Variants in IMMP2L observed in about 807,000 individuals in gnomAD.
IMMP2L encodes mitochondrial inner membrane protease subunit 2.
In IMMP2L, 18 loss-of-function variants were observed where a neutral mutation model predicts 19.3. That is an observed-to-expected ratio of 0.93 (90% confidence interval 0.64 to 1.38). The LOEUF (loss-of-function observed/expected upper bound fraction) is 1.38, where lower values mean the gene tolerates loss of function less well. Ranked by LOEUF, IMMP2L falls within the 40% of genes most tolerant of loss-of-function variation. The pLI is 0.00. For missense variants in IMMP2L, 233 were observed against 218.2 expected, an observed-to-expected ratio of 1.07 and a Z score of -0.43; for synonymous variants, 76 against 73.0, an observed-to-expected ratio of 1.04 and a Z score of -0.21.
intron 5 of IMMP2L, among the ~76,000 whole-genome samples, chr7:110,722,609 T>C (rs143344673): frequency 1.3e-5 from 2 of 152,320 alleles, no homozygotes; most frequent in East Asian, 3.9e-4. Context: ...AGCAAATAGA[T>C]AGCATACATT....
intron 3 of IMMP2L, among the ~76,000 whole-genome samples, chr7:111,207,479 A>C (rs1282561245): frequency 6.7e-6 from 1 of 150,214 alleles, no homozygotes; most frequent in Non-Finnish European, 1.5e-5. Context: ...CCACCAATTA[A>C]TTCCTAGCAA....
At chr7:110,954,922 G>A (rs1234555824) in intron 4 of IMMP2L, among the ~76,000 whole-genome samples, 1 of 151,948 alleles carries the variant, frequency 6.6e-6, no homozygotes, top group Non-Finnish European at 1.5e-5. Context: ...AATCTAAATG[G>A]CCTAATGACT....
At chr7:111,363,779 C>T (rs537552761) in intron 3 of IMMP2L, among the ~76,000 whole-genome samples, 1 of 152,142 alleles carries the variant, frequency 6.6e-6, no homozygotes, top group South Asian at 2.1e-4. Context: ...ATTACCTGAT[C>T]CCTATTGACC....
chr7:111,476,795 T>C (rs1438333397), intron 3 of IMMP2L, among the ~76,000 whole-genome samples: 2 of 152,170 alleles, frequency 1.3e-5, no homozygotes, highest in Non-Finnish European at 2.9e-5. Flanking sequence ...TGTTGCATCC[T>C]TCTTGTCCTT....
rs112720303 is a variant in IMMP2L, at chr7:111,462,528, T to C, written c.239+24710A>G. On this transcript the variant is annotated intron_variant, in intron 3 of 5. Coordinates refer to ENST00000405709, the MANE Select transcript of IMMP2L (RefSeq NM_032549.4). ...TTTATTAAAAATTTTTTTTGAATTA[T>C]TGTGAATACATAATAGTTGTATTTA... is the stretch of plus-strand genomic sequence containing the variant. Among the ~76,000 whole-genome samples the C allele has an allele frequency of 6.4e-3, 969 of 152,258 alleles. 11 individuals are homozygous for C. The highest frequency in any genetic ancestry group is 0.021 in the African/African-American group (852 of 41,552).
chr7:111,041,239 C>G (rs1791866818), intron 3 of IMMP2L, among the ~76,000 whole-genome samples: 1 of 151,872 alleles, frequency 6.6e-6, no homozygotes, highest in Non-Finnish European at 1.5e-5. Flanking sequence ...TAATATGAAA[C>G]TAAACTTAGC....
intron 2 of IMMP2L, among the ~76,000 whole-genome samples, chr7:111,517,838 G>A (rs1020940261): frequency 2.6e-5 from 4 of 152,062 alleles, no homozygotes; most frequent in Non-Finnish European, 4.4e-5. Flanking sequence ...ACCAGTAAAA[G>A]TGATTCATGT....
intron 3 of IMMP2L, among the ~76,000 whole-genome samples, chr7:111,189,611 A>G (rs2129612722): frequency 6.6e-6 from 1 of 152,230 alleles, no homozygotes; most frequent in South Asian, 2.1e-4. Flanking sequence ...CTCTACAAAT[A>G]CTGAAGAAAC....
At chr7:111,096,384 G>C (rs1797397940) in intron 3 of IMMP2L, among the ~76,000 whole-genome samples, 1 of 151,628 alleles carries the variant, frequency 6.6e-6, no homozygotes, top group Admixed American at 6.6e-5. Context: ...TTCCACTCTA[G>C]ATCTTACCCT....
chr7:110,720,702 G>A (rs2130764571), intron 5 of IMMP2L, among the ~76,000 whole-genome samples: 1 of 152,244 alleles, frequency 6.6e-6, no homozygotes, highest in South Asian at 2.1e-4. Flanking sequence ...CTATTCATTG[G>A]AATATAACCC....
chr7:111,057,410 C>T (rs1356492113), intron 3 of IMMP2L, among the ~76,000 whole-genome samples: 2 of 46,634 alleles, frequency 4.3e-5, no homozygotes, highest in African/African-American at 1.0e-4. Flanking sequence ...TAATTATAGT[C>T]TAACACCAAA....
chr7:111,513,676 A>C (rs1845644557), intron 2 of IMMP2L, among the ~76,000 whole-genome samples: 2 of 152,150 alleles, frequency 1.3e-5, no homozygotes, highest in African/African-American at 4.8e-5. Flanking sequence ...AGAATTATTC[A>C]AAACAGCCAA....
intron 3 of IMMP2L, among the ~76,000 whole-genome samples, chr7:111,426,362 A>C (rs987767274): frequency 6.6e-6 from 1 of 151,092 alleles, no homozygotes; most frequent in South Asian, 2.1e-4. Context: ...TTTCATTTAT[A>C]ATAATTAAAG....
chr7:110,705,804 G>C (rs1487889412), intron 5 of IMMP2L, among the ~76,000 whole-genome samples: 1 of 151,902 alleles, frequency 6.6e-6, no homozygotes, highest in East Asian at 1.9e-4. Context: ...TTATAAGTGA[G>C]AACAGGCGAT....
chr7:110,921,549 T>G lies in IMMP2L; in HGVS notation c.306-34854A>C, dbSNP rs147461838. 2.7e-3 allele frequency among the ~76,000 whole-genome samples: 406 copies of G among 152,344 alleles called. 1 individual carries two copies. Among genetic ancestry groups the G allele is most frequent in the African/African-American group, 9.4e-3 (391 of 41,586 alleles). On this transcript the variant is annotated intron_variant, in intron 4 of 5. Transcript: ENST00000405709. ...TGCTTTATTCAAATTACCCTCCCTT[T>G]GAGGGATATCACTGTAAAGTGCACA...
chr7:111,290,504 TAAA>T (rs111672588), intron 3 of IMMP2L, among the ~76,000 whole-genome samples: 3,061 of 147,356 alleles, frequency 0.021, 97 homozygotes, highest in African/African-American at 0.07. Flanking sequence ...GACTTCTTTT[TAAA>T]AAAAAAAAAA....
intron 3 of IMMP2L, among the ~76,000 whole-genome samples, chr7:111,339,004 T>C (rs1826745628): frequency 6.6e-6 from 1 of 152,200 alleles, no homozygotes; most frequent in South Asian, 2.1e-4. Flanking sequence ...CTGGATTTTA[T>C]TTGTACAAAC....
In IMMP2L at chr7:111,058,982, T is replaced by G. The variant is rs371123181; in HGVS notation, c.240-95417A>C. On this transcript the variant is annotated intron_variant, in intron 3 of 5. Transcript: ENST00000405709. The stretch of plus-strand genomic sequence containing the variant: ...ACATCTCTTTTTTTTAACTTTTTAT[T>G]TATTTATTTATTTATTTTGAGATGG... 4.3e-4 allele frequency among the ~76,000 whole-genome samples: 66 copies of G among 152,142 alleles called. No homozygotes were observed. In the South Asian group the frequency reaches 0.012, roughly 28 times the overall value.
At chr7:110,952,079 T>G (rs1817885189) in intron 4 of IMMP2L, among the ~76,000 whole-genome samples, 1 of 152,176 alleles carries the variant, frequency 6.6e-6, no homozygotes, top group East Asian at 1.9e-4. Context: ...GTAAGCTTCT[T>G]ACTGAGATAA....
Sources: gnomAD v4.1 joint callset for allele counts (sites outside exome capture counted in the v4.1 genomes callset) on GRCh38, gnomAD v4.1.1 for gene constraint, MANE v1.5 for transcripts, NCBI Gene and HGNC (gene_info 2026-07-23, HGNC 2026-07-21) for gene names.